The following P2RY2 variants were observed in gnomAD, a reference collection of about 807,000 sequenced individuals.
P2RY2 encodes the protein purinergic receptor P2Y2.
For missense variants in P2RY2, 567 were observed against 515.7 expected (o/e 1.10, Z -0.96); for synonymous variants, 241 against 231.9 (o/e 1.04, Z -0.35).
chr11:73,236,567 C>T lies in P2RY2; in HGVS notation c.*1274C>T. On this transcript the variant is annotated 3_prime_UTR_variant, in exon 3 of 3. Transcript: ENST00000393597. ...CAGGCAAAGACATGGGGCAAGAGGG[C>T]AGGGTGTGCATGAGCCATAAGCAGG... The T allele has an allele frequency of 1.0e-6, 1 of 985,342 alleles. No individual in the cohort carries two copies. The allele number at this position is 985,342 out of a possible 1,614,324, so 61.0% of individuals were successfully genotyped here.
Position 73,236,451 on chromosome 11 carries a change from C to A in P2RY2, c.*1158C>A. ...TGGCTGGGGCTGTGAGCCAGGGGGT[C>A]AGGGAAGGGTTCCTGGAGTGGGAGA... On this transcript the variant is annotated 3_prime_UTR_variant, in exon 3 of 3. Transcript: ENST00000393597. 1 of 708,654 alleles carries A rather than the reference C, an allele frequency of 1.4e-6. No homozygotes were observed. The highest frequency in any genetic ancestry group is 1.7e-6 in the Non-Finnish European group (1 of 573,510). 43.9% of individuals were successfully genotyped at this position (708,654 alleles called of 1,614,324 possible).
chr11:73,221,978 T>C (rs1478537838), intron 1 of P2RY2, among the ~76,000 whole-genome samples: 1 of 152,104 alleles, frequency 6.6e-6, no homozygotes, highest in Non-Finnish European at 1.5e-5. Context: ...GCAGAGGAGT[T>C]CCTCCACCCC....
At chr11:73,221,327 T>A (rs1218734459) in intron 1 of P2RY2, among the ~76,000 whole-genome samples, 1 of 152,178 alleles carries the variant, frequency 6.6e-6, no homozygotes, top group Admixed American at 6.5e-5. Flanking sequence ...AATAGAGGCA[T>A]GGATTGTATC....
Position 73,235,612 on chromosome 11 carries a change from T to C in P2RY2, c.*319T>C. 2 of 1,079,974 alleles carry C rather than the reference T, an allele frequency of 1.9e-6. No homozygotes were observed. Among genetic ancestry groups the C allele is most frequent in the Non-Finnish European group, 2.3e-6 (2 of 883,070 alleles). The allele number at this position is 1,079,974 out of a possible 1,614,324, so 66.9% of individuals were successfully genotyped here. On this transcript the variant is annotated 3_prime_UTR_variant, in exon 3 of 3. Transcript: ENST00000393597. ...TACTGCCAAGGTACCTAGGTTGGAG[T>C]CCAGCCTAATCAAGTCAAATGGAGA...
intron 2 of P2RY2, among the ~76,000 whole-genome samples, chr11:73,231,980 G>T (rs1862472929): frequency 6.6e-6 from 1 of 152,110 alleles, no homozygotes; most frequent in Non-Finnish European, 1.5e-5. Context: ...AACCTGGGAG[G>T]CAGAGGTTGC....
Position 73,234,933 on chromosome 11 carries a change from C to G in P2RY2, c.774C>G (p.Phe258Leu), listed in dbSNP as rs1230834685. Residue 258 changes from phenylalanine (F) to leucine (L), a missense_variant, in exon 3 of 3, where the codon TTC (phenylalanine) becomes TTG (leucine). Transcript: ENST00000393597. The part of the protein sequence containing the change: ...AVVLAVFALC[F>L]LPFHVTRTLY... ...TGCTGGCTGTCTTCGCCCTCTGCTT[C>G]CTGCCATTCCACGTCACCCGCACCC... The G allele has an allele frequency of 3.1e-6, 5 of 1,610,966 alleles. No individual in the cohort carries two copies. The highest frequency in any genetic ancestry group is 4.2e-6 in the Non-Finnish European group (5 of 1,180,026).
chr11:73,236,906 G>C lies in P2RY2; in HGVS notation c.*1613G>C, dbSNP rs1271173431. Reference sequence around the variant, plus strand: ...AGGGCCCCGCCCTAGCCTTTGGAAAGGGACAGGGCAAAGCTGACAGGCCTC... The same window carrying C: ...AGGGCCCCGCCCTAGCCTTTGGAAACGGACAGGGCAAAGCTGACAGGCCTC... On this transcript the variant is annotated 3_prime_UTR_variant, in exon 3 of 3. Coordinates refer to ENST00000393597, the MANE Select transcript of P2RY2 (RefSeq NM_002564.4). 7.1e-6 allele frequency: 7 copies of C among 985,020 alleles called. No individual in the cohort carries two copies. The South Asian group carries it at 3.3e-4, about 46-fold the overall frequency. 61.0% of individuals were successfully genotyped at this position (985,020 alleles called of 1,614,324 possible). A position where few individuals can be genotyped will look rare whatever the true frequency, so the allele number is the denominator to read the frequency against.
rs1862551459 is a variant in P2RY2, at chr11:73,234,338, G to A, written c.179G>A (p.Cys60Tyr). 6.2e-7 allele frequency: 1 copy of A among 1,614,216 alleles called. No individual in the cohort carries two copies. Among genetic ancestry groups the A allele is most frequent in the East Asian group, 2.2e-5 (1 of 44,882 alleles). ...LNAVALYIFL[C>Y]RLKTWNASTT... ...GCCGTGGCGCTCTACATCTTCTTGT[G>A]CCGCCTCAAGACCTGGAATGCGTCC... Residue 60 changes from cysteine to tyrosine, a missense_variant, in exon 3 of 3, where the codon TGC becomes TAC. By Grantham distance (194) the Cys-to-Tyr change is radical. Coordinates refer to ENST00000393597, the MANE Select transcript of P2RY2 (RefSeq NM_002564.4).
At chr11:73,229,988 G>A (rs906577740) in intron 2 of P2RY2, among the ~76,000 whole-genome samples, 1 of 152,060 alleles carries the variant, frequency 6.6e-6, no homozygotes, top group African/African-American at 2.4e-5. Context: ...GACTTGGGAG[G>A]GAAGGAAATG....
In P2RY2 at chr11:73,234,586, C is replaced by T. The variant is rs776830259; in HGVS notation, c.427C>T (p.Arg143Cys). Residue 143 changes from arginine (R) to cysteine (C), a missense_variant, in exon 3 of 3, where the codon CGC becomes TGC. Transcript: ENST00000393597. ...LGVLRPLRSL[R>C]WGRARYARRV... ...CGTCTTACGACCTCTGCGCTCCCTGCGCTGGGGCCGGGCCCGCTACGCTCG... is the reference window on the plus strand; with the variant it reads ...CGTCTTACGACCTCTGCGCTCCCTGTGCTGGGGCCGGGCCCGCTACGCTCG... 4.4e-6 allele frequency: 7 copies of T among 1,573,358 alleles called. No individual in the cohort carries two copies. Among genetic ancestry groups the T allele is most frequent in the Non-Finnish European group, 6.0e-6 (7 of 1,158,974 alleles).
In P2RY2 at chr11:73,235,723, G is replaced by T. The variant is rs550366482; in HGVS notation, c.*430G>T. 25 of 1,007,120 alleles carry T rather than the reference G, an allele frequency of 2.5e-5. No individual in the cohort carries two copies. The Admixed American group carries it at 3.0e-4, about 12-fold the overall frequency. The allele number at this position is 1,007,120 out of a possible 1,614,324, so 62.4% of individuals were successfully genotyped here. ...ACCTGGGGTGGGGGCCAAGTCACAG[G>T]TTGGCCAGAAAACCCTGGTAAGTAA... On this transcript the variant is annotated 3_prime_UTR_variant, in exon 3 of 3. Coordinates refer to ENST00000393597, the MANE Select transcript of P2RY2 (RefSeq NM_002564.4).
chr11:73,234,174 G>A lies in P2RY2; in HGVS notation c.15G>A (p.Leu5=). The part of the protein sequence containing the change: MAAD[L]GPWNDTINGT... ...CCTGCAGGGCGATGGCAGCAGACCTGGGCCCCTGGAATGACACCATCAATG... is the reference window on the plus strand; with the variant it reads ...CCTGCAGGGCGATGGCAGCAGACCTAGGCCCCTGGAATGACACCATCAATG... The change falls in exon 3 of 3, where the codon CTG becomes CTA. Residue 5 remains leucine (L), a synonymous_variant. Coordinates refer to ENST00000393597, the MANE Select transcript of P2RY2 (RefSeq NM_002564.4). 1 of 1,610,644 alleles carries A rather than the reference G, an allele frequency of 6.2e-7. No individual in the cohort carries two copies. The highest frequency in any genetic ancestry group is 8.5e-7 in the Non-Finnish European group (1 of 1,178,048).
chr11:73,232,103 C>T (rs1267543642), intron 2 of P2RY2, among the ~76,000 whole-genome samples: 1 of 152,082 alleles, frequency 6.6e-6, no homozygotes, highest in Admixed American at 6.6e-5. Flanking sequence ...AATTATACGG[C>T]CCCAGATTCT....
At chr11:73,226,800 G>A (rs1862290864) in intron 1 of P2RY2, among the ~76,000 whole-genome samples, 1 of 152,136 alleles carries the variant, frequency 6.6e-6, no homozygotes, top group Admixed American at 6.5e-5. Context: ...GGGGCTCCAA[G>A]GTGAGACAAA....
At position 73,235,412 on chromosome 11, in the gene P2RY2, A is replaced by G. The variant is rs776294740; in HGVS notation, c.*119A>G. ...TCAGTGACTCATGCTGGATGACCCC[A>G]TGCTCCGTCATTTGACAGGGGCTCA... On this transcript the variant is annotated 3_prime_UTR_variant, in exon 3 of 3. Coordinates refer to ENST00000393597, the MANE Select transcript of P2RY2 (RefSeq NM_002564.4). 38 of 1,462,216 alleles carry G rather than the reference A, an allele frequency of 2.6e-5. No individual in the cohort carries two copies. Among genetic ancestry groups the G allele is most frequent in the Non-Finnish European group, 3.3e-5 (37 of 1,107,140 alleles). 90.6% of individuals were successfully genotyped at this position (1,462,216 alleles called of 1,614,324 possible).
chr11:73,238,935 G>A lies in P2RY2; in HGVS notation c.*3642G>A, dbSNP rs2135653564. The A allele has an allele frequency of 6.6e-6, 1 of 152,312 alleles. No homozygotes were observed. Among genetic ancestry groups the A allele is most frequent in the African/African-American group, 2.4e-5 (1 of 41,572 alleles). 9.4% of individuals were successfully genotyped at this position (152,312 alleles called of 1,614,324 possible). A position where few individuals can be genotyped will look rare whatever the true frequency, so the allele number is the denominator to read the frequency against. On this transcript the variant is annotated 3_prime_UTR_variant, in exon 3 of 3. Coordinates refer to ENST00000393597, the MANE Select transcript of P2RY2 (RefSeq NM_002564.4). ...CCCAGACCACCTCAGTGTCAATATT[G>A]TCCCCACTTTCCTGGCTGGGGTCTC...
Position 73,235,607 on chromosome 11 carries a change from T to C in P2RY2, c.*314T>C. The C allele has an allele frequency of 9.2e-7, 1 of 1,091,038 alleles. No individual in the cohort carries two copies. 67.6% of individuals were successfully genotyped at this position (1,091,038 alleles called of 1,614,324 possible). On this transcript the variant is annotated 3_prime_UTR_variant, in exon 3 of 3. Transcript: ENST00000393597. Reference sequence around the variant, plus strand: ...GGCTGTACTGCCAAGGTACCTAGGTTGGAGTCCAGCCTAATCAAGTCAAAT... The same window carrying C: ...GGCTGTACTGCCAAGGTACCTAGGTCGGAGTCCAGCCTAATCAAGTCAAAT...
At chr11:73,221,237 A>G (rs1862106567) in intron 1 of P2RY2, among the ~76,000 whole-genome samples, 1 of 152,178 alleles carries the variant, frequency 6.6e-6, no homozygotes, top group South Asian at 2.1e-4. Context: ...TGGCTTCACT[A>G]GTAACGATTT....
chr11:73,218,370 A>T lies in P2RY2; in HGVS notation c.-262A>T, dbSNP rs1243662519. On this transcript the variant is annotated 5_prime_UTR_variant, in exon 1 of 3. Transcript: ENST00000393597. ...TCTGCGGCTGCGGCGGGACCCGGGC[A>T]CTGGCACCCGGGAGCGGCGGCGACG... 1 of 153,172 alleles carries T rather than the reference A, an allele frequency of 6.5e-6. No homozygotes were observed. The highest frequency in any genetic ancestry group is 1.5e-5 in the Non-Finnish European group (1 of 68,858). 9.5% of individuals were successfully genotyped at this position (153,172 alleles called of 1,614,324 possible). A position where few individuals can be genotyped will look rare whatever the true frequency, so the allele number is the denominator to read the frequency against.
Sources: gnomAD v4.1 joint callset for allele counts (sites outside exome capture counted in the v4.1 genomes callset) on GRCh38, gnomAD v4.1.1 for gene constraint, MANE v1.5 for transcripts, NCBI Gene and HGNC (gene_info 2026-07-23, HGNC 2026-07-21) for gene names.